Variants in CCSER1 observed in about 807,000 individuals in gnomAD.
CCSER1 encodes coiled-coil serine rich protein 1, also known as serine-rich coiled-coil domain-containing protein 1.
A neutral mutation model predicts 82.0 loss-of-function variants in CCSER1; 41 were observed. The observed-to-expected ratio is 0.50, with a 90% CI of 0.39 to 0.65. The LOEUF is 0.65. CCSER1 is among the 30% of genes least tolerant of loss of function. The pLI, the probability that CCSER1 is intolerant of heterozygous loss-of-function variation, is 0.00. For synonymous variants in CCSER1, 414 were observed against 383.9 expected, an observed-to-expected ratio of 1.08 and a Z score of -0.92; for missense variants, 1,119 against 1,064.2, an observed-to-expected ratio of 1.05 and a Z score of -0.72.
chr4:90,609,167 C>T (rs147051458), intron 5 of CCSER1, among the ~76,000 whole-genome samples: 7 of 151,840 alleles, frequency 4.6e-5, no homozygotes, highest in African/African-American at 1.7e-4. Context: ...TATACTTAGA[C>T]GTTTGTTTCC....
At chr4:91,539,858 C>A (rs1761497840) in intron 10 of CCSER1, among the ~76,000 whole-genome samples, 2 of 152,004 alleles carry the variant, frequency 1.3e-5, no homozygotes, top group Non-Finnish European at 2.9e-5. Context: ...CTTATTGAAT[C>A]ATTAGAGCTG....
intron 1 of CCSER1, among the ~76,000 whole-genome samples, chr4:90,129,627 C>T (rs919067752): frequency 2.6e-5 from 4 of 152,146 alleles, no homozygotes; most frequent in Admixed American, 6.6e-5. Flanking sequence ...AGAAGTTGGT[C>T]AACCTATTGT....
intron 4 of CCSER1, among the ~76,000 whole-genome samples, chr4:90,413,080 T>A (rs1005519964): frequency 2.0e-5 from 3 of 152,208 alleles, no homozygotes; most frequent in Non-Finnish European, 4.4e-5. Flanking sequence ...AACCTCCTGG[T>A]AAATGAATTT....
intron 10 of CCSER1, among the ~76,000 whole-genome samples, chr4:91,105,315 C>T (rs1320265062): frequency 6.6e-6 from 1 of 152,084 alleles, no homozygotes; most frequent in Non-Finnish European, 1.5e-5. Flanking sequence ...AGGGCTTCCT[C>T]TTTGCCCTCT....
chr4:90,688,334 T>C (rs1421857808), intron 6 of CCSER1, among the ~76,000 whole-genome samples: 1 of 152,138 alleles, frequency 6.6e-6, no homozygotes, highest in African/African-American at 2.4e-5. Flanking sequence ...TGTGCATGCA[T>C]GTATGCATGG....
At position 90,974,424 on chromosome 4, in the gene CCSER1, A is replaced by C. The variant is rs1275224610; in HGVS notation, c.2172+50977A>C. On this transcript the variant is annotated intron_variant, in intron 9 of 10. Transcript: ENST00000509176. ...ATGCAATTTTTATTTTTTCAATTAC[A>C]ACTCAATAAAGCTGGGAGAATTGTG... Among the ~76,000 whole-genome samples the C allele has an allele frequency of 2.0e-5, 3 of 151,168 alleles. No homozygotes were observed. The Admixed American group carries it at 2.0e-4, about 10-fold the overall frequency.
At chr4:90,313,685 G>T (rs1246350386) in intron 3 of CCSER1, among the ~76,000 whole-genome samples, 1 of 152,152 alleles carries the variant, frequency 6.6e-6, no homozygotes, top group Non-Finnish European at 1.5e-5. Context: ...GGGTGTCACA[G>T]AGGCATTAGT....
At chr4:90,711,239 G>A (rs975234472) in intron 6 of CCSER1, among the ~76,000 whole-genome samples, 1 of 151,946 alleles carries the variant, frequency 6.6e-6, no homozygotes, top group Admixed American at 6.6e-5. Context: ...TGCTGATATG[G>A]TTGGGTTTTC....
chr4:91,404,941 G>A (rs985030147), intron 10 of CCSER1, among the ~76,000 whole-genome samples: 2 of 152,242 alleles, frequency 1.3e-5, no homozygotes, highest in Admixed American at 1.3e-4. Context: ...TTCAATTCCT[G>A]GATATCCTTG....
chr4:90,414,569 A>G (rs1337332040), intron 4 of CCSER1, among the ~76,000 whole-genome samples: 1 of 152,194 alleles, frequency 6.6e-6, no homozygotes, highest in Non-Finnish European at 1.5e-5. Flanking sequence ...AAAGTATATT[A>G]GTGACCCTTC....
At chr4:91,154,093 G>T (rs1337831243) in intron 10 of CCSER1, among the ~76,000 whole-genome samples, 1 of 151,978 alleles carries the variant, frequency 6.6e-6, no homozygotes, top group African/African-American at 2.4e-5. Context: ...GTTCAGCTAT[G>T]CCCTGCCCCC....
At chr4:90,867,117 T>TCTA (rs1765837982) in intron 8 of CCSER1, among the ~76,000 whole-genome samples, 1 of 152,028 alleles carries the variant, frequency 6.6e-6, no homozygotes, top group Non-Finnish European at 1.5e-5. Flanking sequence ...TCCCCTCCTT[T>TCTA]GTAGAATACA....
At chr4:90,422,321 T>A (rs1316714990) in intron 4 of CCSER1, among the ~76,000 whole-genome samples, 1 of 152,146 alleles carries the variant, frequency 6.6e-6, no homozygotes, top group African/African-American at 2.4e-5. Context: ...GAAGAGCCCA[T>A]AGAACCAGAC....
intron 4 of CCSER1, among the ~76,000 whole-genome samples, chr4:90,421,800 G>A (rs1207222517): frequency 6.6e-6 from 1 of 151,844 alleles, no homozygotes; most frequent in African/African-American, 2.4e-5. Context: ...ACTCTTAGGG[G>A]TTGAACTCTC....
chr4:90,819,543 G>A (rs189333889), intron 8 of CCSER1, among the ~76,000 whole-genome samples: 92 of 151,944 alleles, frequency 6.1e-4, no homozygotes, highest in Non-Finnish European at 1.1e-3. Flanking sequence ...TTGCTGGGTG[G>A]GTAGATTTCA....
chr4:91,126,904 A>G (rs1282175310), intron 10 of CCSER1, among the ~76,000 whole-genome samples: 1 of 152,004 alleles, frequency 6.6e-6, no homozygotes, highest in Non-Finnish European at 1.5e-5. Flanking sequence ...GGATGCAGAA[A>G]CTTGAAGTGG....
At chr4:90,234,250 C>G (rs956404239) in intron 1 of CCSER1, among the ~76,000 whole-genome samples, 4 of 149,606 alleles carry the variant, frequency 2.7e-5, no homozygotes, top group African/African-American at 9.9e-5. Context: ...GTGTCTCGCT[C>G]TTGTCACCCA....
chr4:91,115,942 G>A (rs1726552019), intron 10 of CCSER1, among the ~76,000 whole-genome samples: 1 of 148,352 alleles, frequency 6.7e-6, no homozygotes, highest in Non-Finnish European at 1.5e-5. Context: ...TGCCATCTTG[G>A]TGTGCTGCAG....
At chr4:90,555,089 C>A (rs961006813) in intron 5 of CCSER1, among the ~76,000 whole-genome samples, 1 of 151,434 alleles carries the variant, frequency 6.6e-6, no homozygotes, top group African/African-American at 2.4e-5. Context: ...ATTTTTTGCT[C>A]AAAAATATGT....
Sources: gnomAD v4.1 joint callset for allele counts (sites outside exome capture counted in the v4.1 genomes callset) on GRCh38, gnomAD v4.1.1 for gene constraint, MANE v1.5 for transcripts, NCBI Gene and HGNC (gene_info 2026-07-23, HGNC 2026-07-21) for gene names.